Variants in ARHGAP42 observed in about 807,000 individuals in gnomAD.
ARHGAP42 encodes the protein Rho GTPase activating protein 42.
A neutral mutation model predicts 125.0 loss-of-function variants in ARHGAP42; 63 were observed. The ratio of observed to expected loss-of-function variants is 0.50; its 90% CI spans 0.41 to 0.62. ARHGAP42 has a LOEUF of 0.62. Ranked by LOEUF, ARHGAP42 falls within the 20% of genes least tolerant of loss-of-function variation. The pLI, the probability that ARHGAP42 is intolerant of heterozygous loss-of-function variation, is 0.00. For missense variants in ARHGAP42, 766 were observed against 1,024.2 expected, an observed-to-expected ratio of 0.75 and a Z score of 3.44; for synonymous variants, 339 against 351.0, an observed-to-expected ratio of 0.97 and a Z score of 0.38.
intron 1 of ARHGAP42, among the ~76,000 whole-genome samples, chr11:100,688,334 G>C (rs915576565): frequency 6.6e-6 from 1 of 152,088 alleles, no homozygotes; most frequent in Non-Finnish European, 1.5e-5. Flanking sequence ...TTGCAGTTTT[G>C]CCATTTTGTA....
intron 4 of ARHGAP42, among the ~76,000 whole-genome samples, chr11:100,888,454 T>C (rs1866145962): frequency 6.6e-6 from 1 of 152,096 alleles, no homozygotes; most frequent in Non-Finnish European, 1.5e-5. Context: ...GGGATGTGTA[T>C]GTGGGCTGGG....
At chr11:100,784,563 A>T (rs1240708791) in intron 2 of ARHGAP42, among the ~76,000 whole-genome samples, 1 of 152,168 alleles carries the variant, frequency 6.6e-6, no homozygotes, top group African/African-American at 2.4e-5. Context: ...TGCTACTAGG[A>T]GAATGGTGTT....
At chr11:100,942,998 A>T (rs533532347) in intron 9 of ARHGAP42, among the ~76,000 whole-genome samples, 13 of 152,188 alleles carry the variant, frequency 8.5e-5, no homozygotes, top group African/African-American at 3.1e-4. Context: ...TACATTCTGT[A>T]AATGTTCCCC....
intron 3 of ARHGAP42, among the ~76,000 whole-genome samples, chr11:100,804,268 G>C (rs553124129): frequency 6.6e-6 from 1 of 152,032 alleles, no homozygotes; most frequent in East Asian, 1.9e-4. Context: ...AGGATTGCAG[G>C]CATGAGCCAC....
chr11:100,694,416 AG>A (rs1861240636), intron 1 of ARHGAP42, among the ~76,000 whole-genome samples: 2 of 152,044 alleles, frequency 1.3e-5, no homozygotes, highest in Admixed American at 1.3e-4. Context: ...GTTGAAGGAA[AG>A]GGGGGTTATT....
chr11:100,767,526 G>A (rs555485703), intron 1 of ARHGAP42, among the ~76,000 whole-genome samples: 2 of 152,258 alleles, frequency 1.3e-5, no homozygotes, highest in East Asian at 3.9e-4. Flanking sequence ...TTCAGTCAGG[G>A]TACGAGGCCA....
intron 4 of ARHGAP42, among the ~76,000 whole-genome samples, chr11:100,882,896 T>C (rs537074530): frequency 6.6e-6 from 1 of 152,342 alleles, no homozygotes; most frequent in East Asian, 1.9e-4. Context: ...CATGTGAAGG[T>C]GTTCATAGTA....
intron 4 of ARHGAP42, among the ~76,000 whole-genome samples, chr11:100,884,710 T>G (rs182931449): frequency 3.0e-3 from 452 of 152,292 alleles, no homozygotes; most frequent in Middle Eastern, 0.01. Context: ...CCCTGCTGTC[T>G]ACTCCCTTGT....
At chr11:100,981,938 G>A (rs1015903202) in intron 22 of ARHGAP42, among the ~76,000 whole-genome samples, 1 of 152,102 alleles carries the variant, frequency 6.6e-6, no homozygotes, top group Non-Finnish European at 1.5e-5. Flanking sequence ...TTGGCCATAG[G>A]GTTTGAGGAG....
At chr11:100,879,611 C>T (rs116440638) in intron 4 of ARHGAP42, among the ~76,000 whole-genome samples, 3,422 of 152,152 alleles carry the variant, frequency 0.022, 79 homozygotes, top group African/African-American at 0.053. Context: ...GTTCCTCTTC[C>T]GACACCCACA....
chr11:100,764,022 CT>C (rs1565203915), intron 1 of ARHGAP42, among the ~76,000 whole-genome samples: 49 of 140,954 alleles, frequency 3.5e-4, no homozygotes, highest in African/African-American at 1.3e-3. Flanking sequence ...TCTTCTTCTT[CT>C]TCTTTTTTTT....
chr11:100,796,787 T>TA (rs1863727578), intron 3 of ARHGAP42, among the ~76,000 whole-genome samples: 1 of 123,102 alleles, frequency 8.1e-6, no homozygotes, highest in Admixed American at 8.7e-5. Flanking sequence ...TTTTTTTTTT[T>TA]CAGACAGAGT....
Position 100,719,638 on chromosome 11 carries a change from CCT to C in ARHGAP42, c.154+31813_154+31814del, listed in dbSNP as rs1426059621. On this transcript the variant is annotated intron_variant, in intron 1 of 23. Transcript: ENST00000298815. ...ACAGGTGACCTCACCCATATCTCTG[CCT>C]CTCTCTTTCCTTTTTTTCTTTTATT... Among the ~76,000 whole-genome samples, 4 of 152,228 alleles carry C rather than the reference CCT, an allele frequency of 2.6e-5. No homozygotes were observed. In the East Asian group the frequency reaches 5.8e-4, roughly 22 times the overall value.
chr11:100,949,373 A>G (rs1868112148), intron 11 of ARHGAP42, among the ~76,000 whole-genome samples: 1 of 152,008 alleles, frequency 6.6e-6, no homozygotes, highest in East Asian at 1.9e-4. Context: ...AAAAATTGGA[A>G]CTCTGCATTG....
intron 12 of ARHGAP42, among the ~76,000 whole-genome samples, chr11:100,950,333 A>G (rs896989856): frequency 4.1e-5 from 6 of 147,120 alleles, no homozygotes; most frequent in Non-Finnish European, 4.5e-5. Context: ...AAGCTAAATC[A>G]TATATAATTA....
At position 100,900,990 on chromosome 11, in the gene ARHGAP42, A is replaced by G. The variant is rs2897780; in HGVS notation, c.385-12462A>G. On this transcript the variant is annotated intron_variant, in intron 4 of 23. Coordinates refer to ENST00000298815, the MANE Select transcript of ARHGAP42 (RefSeq NM_152432.4). The stretch of plus-strand genomic sequence containing the variant: ...AGGTGGTCTGGTTTTTAGAATTTTC[A>G]GCTTTTCTGCTCTGATTTTTCCCCA... Among the ~76,000 whole-genome samples the G allele has an allele frequency of 9.7e-3, 1,462 of 151,496 alleles. 32 individuals carry two copies. The highest frequency in any genetic ancestry group is 0.056 in the East Asian group (289 of 5,148).
intron 1 of ARHGAP42, among the ~76,000 whole-genome samples, chr11:100,736,733 TATA>T: frequency 6.6e-6 from 1 of 152,370 alleles, no homozygotes; most frequent in Non-Finnish European, 1.5e-5. Context: ...GTGTTACTGT[TATA>T]ATAAGCTAAG....
intron 1 of ARHGAP42, among the ~76,000 whole-genome samples, chr11:100,700,102 C>T (rs1861371552): frequency 6.6e-6 from 1 of 152,154 alleles, no homozygotes; most frequent in Non-Finnish European, 1.5e-5. Context: ...TATCACAATA[C>T]AGTGAGTCAT....
chr11:100,962,658 C>T (rs1249928862), intron 16 of ARHGAP42, among the ~76,000 whole-genome samples, 191 bp downstream of exon 16: 1 of 152,070 alleles, frequency 6.6e-6, no homozygotes, highest in Non-Finnish European at 1.5e-5. Flanking sequence ...TGGCGGATCA[C>T]CTGAGGTCGG....
Sources: allele counts gnomAD v4.1 joint callset (sites outside exome capture counted in the v4.1 genomes callset), GRCh38; gene constraint gnomAD v4.1.1; transcripts MANE v1.5; gene names NCBI Gene and HGNC (gene_info 2026-07-23, HGNC 2026-07-21).